The following ROR1 variants were observed in gnomAD, a reference collection of about 807,000 sequenced individuals.
ROR1 encodes inactive tyrosine-protein kinase transmembrane receptor ROR1.
Under a neutral mutation model 78.8 loss-of-function variants are expected in ROR1, and 19 were observed. The observed-to-expected ratio is 0.24, with a 90% CI of 0.17 to 0.35. The LOEUF is 0.35. ROR1 is among the 10% of genes least tolerant of loss of function. The probability of loss-of-function intolerance (pLI) is 1.00; values close to 1 mark genes in which losing one functional copy is unlikely to be tolerated. For synonymous variants in ROR1, 386 were observed against 433.6 expected (o/e 0.89, Z 1.36); for missense variants, 917 against 1,177.8 (o/e 0.78, Z 3.24).
chr1:64,165,312 G>A (rs987363125), intron 8 of ROR1, among the ~76,000 whole-genome samples: 1 of 152,000 alleles, frequency 6.6e-6, no homozygotes, highest in Non-Finnish European at 1.5e-5. Context: ...GTCTCATTGT[G>A]GTTTTGATTT....
intron 2 of ROR1, among the ~76,000 whole-genome samples, chr1:64,031,055 A>G (rs956710454): frequency 2.6e-4 from 39 of 152,044 alleles, no homozygotes; most frequent in Admixed American, 3.9e-4. Context: ...TTTTGTAGAG[A>G]CAGAGTTTTG....
At chr1:63,940,510 T>C (rs567226197) in intron 1 of ROR1, among the ~76,000 whole-genome samples, 5 of 148,446 alleles carry the variant, frequency 3.4e-5, no homozygotes, top group African/African-American at 1.3e-4. Flanking sequence ...GATAGATAGA[T>C]AGATAGATAG....
intron 1 of ROR1, among the ~76,000 whole-genome samples, chr1:63,794,215 C>T (rs571911788): frequency 2.0e-5 from 3 of 152,192 alleles, no homozygotes; most frequent in Non-Finnish European, 2.9e-5. Flanking sequence ...CTCAAAGCTT[C>T]GGTTTCCCCA....
chr1:63,881,869 G>A (rs746466898), intron 1 of ROR1, among the ~76,000 whole-genome samples: 6 of 152,146 alleles, frequency 3.9e-5, no homozygotes, highest in Non-Finnish European at 5.9e-5. Flanking sequence ...GGAGAATTCT[G>A]AGGCTTTGTC....
chr1:63,860,139 G>T (rs1645170889), intron 1 of ROR1, among the ~76,000 whole-genome samples: 1 of 152,116 alleles, frequency 6.6e-6, no homozygotes, highest in Admixed American at 6.5e-5. Flanking sequence ...CAGGATCAGA[G>T]CAAATAGTAG....
chr1:63,841,117 T>C (rs1342993264), intron 1 of ROR1, among the ~76,000 whole-genome samples: 1 of 152,230 alleles, frequency 6.6e-6, no homozygotes, highest in African/African-American at 2.4e-5. Flanking sequence ...TAATACATAC[T>C]CTACATGTAT....
At chr1:63,809,171 G>A (rs1274800869) in intron 1 of ROR1, among the ~76,000 whole-genome samples, 1 of 152,110 alleles carries the variant, frequency 6.6e-6, no homozygotes, top group African/African-American at 2.4e-5. Flanking sequence ...GTAGTGTCAG[G>A]GCAGTCAGAA....
chr1:63,982,182 G>A (rs528798577), intron 1 of ROR1, among the ~76,000 whole-genome samples: 94 of 152,090 alleles, frequency 6.2e-4, no homozygotes, highest in African/African-American at 2.1e-3. Flanking sequence ...GTTCAAGGTC[G>A]CCCAGCTAGA....
chr1:63,999,519 G>A (rs1207625084), intron 1 of ROR1, among the ~76,000 whole-genome samples: 1 of 152,042 alleles, frequency 6.6e-6, no homozygotes, highest in Non-Finnish European at 1.5e-5. Context: ...GGCCCCTATT[G>A]CAGCATTTAT....
At chr1:64,008,427 G>A (rs1646447612) in intron 1 of ROR1, among the ~76,000 whole-genome samples, 1 of 152,164 alleles carries the variant, frequency 6.6e-6, no homozygotes, top group Admixed American at 6.6e-5. Context: ...ATGAACATAT[G>A]ATGCAGGTGT....
intron 4 of ROR1, chr1:64,094,399 C>T (rs1647241801): frequency 6.6e-6 from 1 of 152,120 alleles, no homozygotes; most frequent in Non-Finnish European, 1.5e-5. Context: ...AAATTTTACT[C>T]ACTGTATGGA....
intron 1 of ROR1, among the ~76,000 whole-genome samples, chr1:63,889,753 T>C (rs78643711): frequency 4.6e-5 from 7 of 152,340 alleles, no homozygotes; most frequent in Non-Finnish European, 7.4e-5. Context: ...TGATTTATCA[T>C]TGGCTTTTAA....
chr1:63,912,691 G>T (rs751730594), intron 1 of ROR1, among the ~76,000 whole-genome samples: 2 of 152,248 alleles, frequency 1.3e-5, no homozygotes, highest in African/African-American at 4.8e-5. Context: ...AAGAGGCTGG[G>T]TTGCCTTGTT....
chr1:63,889,167 G>C (rs988199227), intron 1 of ROR1, among the ~76,000 whole-genome samples: 7 of 152,102 alleles, frequency 4.6e-5, no homozygotes, highest in Non-Finnish European at 8.8e-5. Context: ...TGACAGAGGA[G>C]GAGAGAGAGA....
chr1:64,111,926 A>G (rs1569784474), intron 4 of ROR1: 5 of 152,194 alleles, frequency 3.3e-5, no homozygotes, highest in African/African-American at 1.2e-4. Context: ...CCCCAAAGCT[A>G]ATCAATGAAA....
intron 1 of ROR1, among the ~76,000 whole-genome samples, chr1:63,976,008 G>A (rs1225301089): frequency 2.0e-5 from 3 of 152,194 alleles, no homozygotes; most frequent in Admixed American, 6.5e-5. Flanking sequence ...TTGAAAAAAT[G>A]TATTTTATAT....
chr1:64,044,088 G>T (rs201494129), intron 2 of ROR1, among the ~76,000 whole-genome samples: 7 of 152,062 alleles, frequency 4.6e-5, no homozygotes, highest in Admixed American at 3.3e-4. Context: ...TGACACAATC[G>T]CTTGGGATTG....
chr1:63,878,369 G>A lies in ROR1; in HGVS notation c.91+103861G>A, dbSNP rs376021367. ...ATTCCTTGACGATGAGGAACTGATC[G>A]GAAATAAACCTAATTGTTATTTGCT... On this transcript the variant is annotated intron_variant, in intron 1 of 8. Coordinates refer to ENST00000371079, the MANE Select transcript of ROR1 (RefSeq NM_005012.4). Among the ~76,000 whole-genome samples the A allele has an allele frequency of 3.3e-4, 50 of 152,222 alleles. 1 individual carries two copies. The South Asian group carries it at 6.0e-3, about 18-fold the overall frequency.
chr1:64,173,396 G>A (rs950660451), intron 8 of ROR1, among the ~76,000 whole-genome samples: 1 of 152,170 alleles, frequency 6.6e-6, no homozygotes, highest in Non-Finnish European at 1.5e-5. Context: ...TGAACAGGGA[G>A]GAAGAACAAT....
Sources: gnomAD v4.1 joint callset for allele counts (sites outside exome capture counted in the v4.1 genomes callset) on GRCh38, gnomAD v4.1.1 for gene constraint, MANE v1.5 for transcripts, NCBI Gene and HGNC (gene_info 2026-07-23, HGNC 2026-07-21) for gene names.